The following ANO3 variants were observed in gnomAD, a reference collection of about 807,000 sequenced individuals.
ANO3 encodes anoctamin 3, also known as anoctamin-3.
ANO3 carries 99 observed loss-of-function variants against 144.8 expected under a neutral mutation model. The ratio of observed to expected loss-of-function variants is 0.68; its 90% CI spans 0.58 to 0.81. ANO3 has a LOEUF of 0.81. ANO3 is among the 30% of genes least tolerant of loss of function. ANO3 has a pLI of 0.00. For missense variants in ANO3, 905 were observed against 1,202.2 expected (o/e 0.75, Z 3.66); for synonymous variants, 414 against 392.6 (o/e 1.05, Z -0.64).
chr11:26,376,655 G>GT (rs913993674), intron 1 of ANO3, among the ~76,000 whole-genome samples: 4 of 135,874 alleles, frequency 2.9e-5, no homozygotes, highest in African/African-American at 6.0e-5. Context: ...TAAAAGTTGA[G>GT]TAAAAAAAAA....
At chr11:26,308,011 T>C (rs993789511), upstream of ANO3, among the ~76,000 whole-genome samples, 6 of 152,158 alleles carry the variant, frequency 3.9e-5, no homozygotes, top group Admixed American at 3.3e-4. Context: ...CAAATCCTTC[T>C]ACTTTTGGAG....
chr11:26,230,788 C>A (rs1852375081), intron 1 of ANO3, among the ~76,000 whole-genome samples: 1 of 85,200 alleles, frequency 1.2e-5, no homozygotes. Context: ...CAGAGCATGA[C>A]TCCATCTCCA....
chr11:26,380,565 C>T (rs936039951), intron 1 of ANO3, among the ~76,000 whole-genome samples: 9 of 152,128 alleles, frequency 5.9e-5, no homozygotes, highest in Non-Finnish European at 1.2e-4. Flanking sequence ...AATAGGCTCC[C>T]TGAAACCTCT....
intron 1 of ANO3, among the ~76,000 whole-genome samples, chr11:26,394,684 TCTC>T (rs1300812642): frequency 6.6e-6 from 1 of 151,416 alleles, no homozygotes; most frequent in Non-Finnish European, 1.5e-5. Flanking sequence ...TTCAAGCAAT[TCTC>T]CTGCCTCAGC....
At chr11:26,245,023 A>T (rs370416004) in intron 1 of ANO3, among the ~76,000 whole-genome samples, 1 of 79,516 alleles carries the variant, frequency 1.3e-5, no homozygotes, top group Non-Finnish European at 2.9e-5. Flanking sequence ...GTGTGTGTGC[A>T]TGCATGCATT....
intron 1 of ANO3, among the ~76,000 whole-genome samples, chr11:26,281,583 A>T (rs922560219): frequency 4.6e-5 from 7 of 152,140 alleles, no homozygotes; most frequent in Non-Finnish European, 1.0e-4. Context: ...CCACCCTAGG[A>T]ATTTCTATTT....
At chr11:26,653,673 G>T (rs571997290) in intron 24 of ANO3, among the ~76,000 whole-genome samples, 1 of 151,830 alleles carries the variant, frequency 6.6e-6, no homozygotes, top group Admixed American at 6.6e-5. Context: ...ACAGTCCCCA[G>T]TACGTGCCAA....
At chr11:26,256,053 G>A (rs1173884796) in intron 1 of ANO3, among the ~76,000 whole-genome samples, 1 of 152,128 alleles carries the variant, frequency 6.6e-6, no homozygotes, top group Non-Finnish European at 1.5e-5. Context: ...TGAAAGGCAG[G>A]ACACTATCAG....
chr11:26,579,585 C>T (rs1370924185), intron 14 of ANO3, among the ~76,000 whole-genome samples: 1 of 152,154 alleles, frequency 6.6e-6, no homozygotes, highest in Non-Finnish European at 1.5e-5. Flanking sequence ...TTCATACAAG[C>T]TCTTTAGCTA....
chr11:26,197,350 GT>G (rs1350926012), intron 1 of ANO3, among the ~76,000 whole-genome samples: 1 of 151,962 alleles, frequency 6.6e-6, no homozygotes, highest in African/African-American at 2.4e-5. Flanking sequence ...TTTTGTTTTT[GT>G]TTTTGTTTTT....
intron 1 of ANO3, among the ~76,000 whole-genome samples, chr11:26,372,949 AT>A (rs1856303594): frequency 6.6e-6 from 1 of 152,198 alleles, no homozygotes; most frequent in Non-Finnish European, 1.5e-5. Context: ...TGAAAAAAAA[AT>A]CCCAAAAATA....
chr11:26,287,378 T>C (rs1853832748), intron 1 of ANO3: 1 of 152,228 alleles, frequency 6.6e-6, no homozygotes, highest in Non-Finnish European at 1.5e-5. Flanking sequence ...TTGATTCATT[T>C]ACTATTTACA....
chr11:26,448,299 C>A (rs74850103), intron 3 of ANO3, among the ~76,000 whole-genome samples: 644 of 132,236 alleles, frequency 4.9e-3, no homozygotes, highest in Non-Finnish European at 5.5e-3. Context: ...AACTCCGTCT[C>A]AAAAAAAAAA....
intron 1 of ANO3, among the ~76,000 whole-genome samples, chr11:26,266,504 G>A (rs1853310987): frequency 6.7e-6 from 1 of 150,368 alleles, no homozygotes; most frequent in South Asian, 2.1e-4. Flanking sequence ...CGCAATCTCG[G>A]CTCACTGCAA....
In ANO3 at chr11:26,643,205, A is replaced by G. The variant is rs764054457; in HGVS notation, c.2299A>G (p.Ile767Val). Reference sequence around the variant, plus strand: ...AGTTTTGCAATTTGGTTTTACCACCATCTTTGTTGCGGCTTTTCCTCTAGC... The same window carrying G: ...AGTTTTGCAATTTGGTTTTACCACCGTCTTTGTTGCGGCTTTTCCTCTAGC... ...EMVLQFGFTT[I>V]FVAAFPLAPL... is the part of the protein sequence containing the mutation. The change falls in exon 23 of 27, where the codon ATC (isoleucine) becomes GTC (valine). Residue 767 changes from isoleucine (I) to valine (V), a missense_variant. Around this residue, in one of 4 missense-constraint regions of ANO3, gnomAD observed 597 missense variants for 865.1 expected, o/e 0.69. Transcript: ENST00000256737. 4 of 1,614,076 alleles carry G rather than the reference A, an allele frequency of 2.5e-6. No homozygotes were observed. Among genetic ancestry groups the G allele is most frequent in the South Asian group, 1.1e-5 (1 of 91,070 alleles).
chr11:26,573,788 T>G (rs1330320644), intron 14 of ANO3, among the ~76,000 whole-genome samples: 1 of 152,140 alleles, frequency 6.6e-6, no homozygotes, highest in African/African-American at 2.4e-5. Flanking sequence ...GACCTCACCC[T>G]AGAGATAAAC....
chr11:26,538,713 T>G (rs1257972892), intron 10 of ANO3, among the ~76,000 whole-genome samples: 1 of 152,198 alleles, frequency 6.6e-6, no homozygotes, highest in Non-Finnish European at 1.5e-5. Context: ...AAATAAGTTA[T>G]AAGTATCATC....
chr11:26,263,575 C>T (rs1258524511), intron 1 of ANO3, among the ~76,000 whole-genome samples: 1 of 152,238 alleles, frequency 6.6e-6, no homozygotes, highest in African/African-American at 2.4e-5. Context: ...GTATTCAGTA[C>T]ACTGACTTTT....
intron 1 of ANO3, among the ~76,000 whole-genome samples, chr11:26,406,882 G>T (rs1157996554): frequency 4.0e-5 from 6 of 149,880 alleles, no homozygotes; most frequent in Non-Finnish European, 7.4e-5. Context: ...CTTAAATGCT[G>T]GGAAATAGAA....
Sources: allele counts gnomAD v4.1 joint callset (sites outside exome capture counted in the v4.1 genomes callset), GRCh38; gene constraint gnomAD v4.1.1; regional missense constraint gnomAD v4.1.1; transcripts MANE v1.5; gene names NCBI Gene and HGNC (gene_info 2026-07-23, HGNC 2026-07-21).